PRMT7: variants seen among roughly 807,000 people sequenced by gnomAD.
The protein encoded by PRMT7 is protein arginine N-methyltransferase 7.
In PRMT7, 75 loss-of-function variants were observed where a neutral mutation model predicts 85.4. That is an observed-to-expected ratio of 0.88 (90% CI 0.73 to 1.06). PRMT7 has a LOEUF of 1.06. PRMT7 is among the 50% of genes least tolerant of loss of function. The pLI, the probability that PRMT7 is intolerant of heterozygous loss-of-function variation, is 0.00. For synonymous variants in PRMT7, 397 were observed against 359.5 expected (o/e 1.10, Z -1.18); for missense variants, 868 against 915.2 (o/e 0.95, Z 0.67).
intron 16 of PRMT7, 105 bp from the exon 17 acceptor site, chr16:68,355,618 G>C (rs1208725413): frequency 1.6e-6 from 2 of 1,213,812 alleles, no homozygotes; most frequent in Non-Finnish European, 2.2e-6. Flanking sequence ...ATGGGAGAAC[G>C]CACACCCCTT....
At chr16:68,321,381 G>A (rs2082472598) in intron 3 of PRMT7, 45 bp from the exon 4 acceptor site, 5 of 1,487,186 alleles carry the variant, frequency 3.4e-6, no homozygotes, top group South Asian at 2.3e-5. Context: ...ACTCTTGTGT[G>A]TTGATGTGTA....
intron 4 of PRMT7, 191 bp from the exon 5 acceptor site, chr16:68,324,492 C>A: frequency 1.6e-6 from 1 of 616,968 alleles, no homozygotes; most frequent in South Asian, 2.0e-5. Context: ...CAGGGACAGT[C>A]GCTTAATAAA....
At position 68,347,222 on chromosome 16, in the gene PRMT7, A is replaced by G. The variant is rs775619415; in HGVS notation, c.1203A>G (p.Pro401=). 1.3e-6 allele frequency: 2 copies of G among 1,552,882 alleles called. No individual in the cohort carries two copies. Among genetic ancestry groups the G allele is most frequent in the South Asian group, 1.2e-5 (1 of 83,998 alleles). The change falls in exon 12 of 19, where the codon CCA becomes CCG. Residue 401 remains proline, a synonymous_variant. Transcript: ENST00000441236. The stretch of plus-strand genomic sequence containing the variant: ...CCTGTTCCCCGCAGGTGCTGAAGCC[A>G]GACAGCGTGTGCCTGTGTGTCAGCG... ...YVQALRTVLK[P]DSVCLCVSDG...
intron 4 of PRMT7, chr16:68,324,250 G>A (rs905388627): frequency 3.9e-5 from 7 of 177,598 alleles, no homozygotes; most frequent in African/African-American, 1.7e-4. Flanking sequence ...GGGGCCCAAG[G>A]AGCTGGTTAT....
At position 68,314,316 on chromosome 16, in the gene PRMT7, C is replaced by T. The variant is rs149369056; in HGVS notation, c.-83-1581C>T. On this transcript the variant is annotated intron_variant, in intron 2 of 18. Coordinates refer to ENST00000441236, the MANE Select transcript of PRMT7 (RefSeq NM_019023.5). ...TGCGGTCTCAGCTCACTGCAACCTC[C>T]GCCTCCTGGATTCAAGTGATTCTCC... Among the ~76,000 whole-genome samples, 1,086 of 152,258 alleles carry T rather than the reference C, an allele frequency of 7.1e-3. 38 individuals are homozygous for T. The highest frequency in any genetic ancestry group is 0.056 in the Admixed American group (861 of 15,300).
chr16:68,344,966 A>AC (rs1319082059), intron 9 of PRMT7, among the ~76,000 whole-genome samples: 1 of 103,358 alleles, frequency 9.7e-6, no homozygotes, highest in East Asian at 4.0e-4. Flanking sequence ...ACGGGCATGC[A>AC]CATTTTTTTT....
At chr16:68,318,170 G>T (rs898462915) in intron 3 of PRMT7, among the ~76,000 whole-genome samples, 3 of 151,186 alleles carry the variant, frequency 2.0e-5, no homozygotes, top group African/African-American at 7.3e-5. Context: ...AGTATCTGGT[G>T]CAGAATTAGG....
downstream of PRMT7, chr16:68,358,684 C>T (rs540923794): frequency 6.5e-6 from 1 of 152,736 alleles, no homozygotes; most frequent in South Asian, 2.1e-4. Context: ...ATGAACATTT[C>T]CTTCCTCAGT....
At chr16:68,327,929 C>CAA (rs573968363) in intron 5 of PRMT7, among the ~76,000 whole-genome samples, 1 of 92,932 alleles carries the variant, frequency 1.1e-5, no homozygotes, top group Non-Finnish European at 2.3e-5. Context: ...AGACCCTTCT[C>CAA]AAAAAAAAAA....
downstream of PRMT7, chr16:68,358,763 C>T (rs955346980): frequency 2.0e-5 from 3 of 152,464 alleles, no homozygotes; most frequent in African/African-American, 2.4e-5. Flanking sequence ...GTATGGGCCT[C>T]GGGTGACCCG....
intron 6 of PRMT7, among the ~76,000 whole-genome samples, chr16:68,334,129 G>C (rs1289308287): frequency 1.3e-5 from 2 of 152,146 alleles, no homozygotes; most frequent in Admixed American, 1.3e-4. Flanking sequence ...TCATTATGTA[G>C]TTATGTATTT....
chr16:68,336,944 G>A (rs922893275), intron 6 of PRMT7, among the ~76,000 whole-genome samples: 1 of 152,156 alleles, frequency 6.6e-6, no homozygotes, highest in African/African-American at 2.4e-5. Flanking sequence ...GTAGAGATGG[G>A]GTTTCGCCAT....
intron 16 of PRMT7, chr16:68,354,553 G>A (rs546733346): frequency 1.3e-5 from 2 of 152,366 alleles, no homozygotes; most frequent in Admixed American, 1.3e-4. Context: ...ATTAAACCTT[G>A]TGGATATTTT....
Position 68,324,786 on chromosome 16 carries a change from CAAT to C in PRMT7, c.237_239del (p.Met81del), listed in dbSNP as rs1461756216. 1 of 1,614,072 alleles carries C rather than the reference CAAT, an allele frequency of 6.2e-7. No individual in the cohort carries two copies. Among genetic ancestry groups the C allele is most frequent in the Non-Finnish European group, 8.5e-7 (1 of 1,180,036 alleles). ...ATTGGCACTGGCACGGGACTCTTGT[CAAT>C]GATGGCGGTCACAGCAGGTGCCGAC... is the stretch of plus-strand genomic sequence containing the variant. On this transcript the variant is annotated inframe_deletion, in exon 5 of 19. Transcript: ENST00000441236.
intron 15 of PRMT7, chr16:68,352,621 G>A: frequency 2.1e-6 from 1 of 470,884 alleles, no homozygotes; most frequent in Non-Finnish European, 3.7e-6. Flanking sequence ...GGAAATGGCT[G>A]AGTGTTGTCA....
chr16:68,321,866 C>G (rs908245857), intron 4 of PRMT7, among the ~76,000 whole-genome samples: 1 of 152,128 alleles, frequency 6.6e-6, no homozygotes, highest in African/African-American at 2.4e-5. Flanking sequence ...TACAGCAGAT[C>G]TCCACAACTT....
At chr16:68,345,580 C>T in intron 9 of PRMT7, 95 bp from the exon 10 acceptor site, 7 of 1,553,234 alleles carry the variant, frequency 4.5e-6, no homozygotes, top group Non-Finnish European at 6.1e-6. Context: ...TTGTGGACGT[C>T]CTGAAAACTG....
chr16:68,327,204 G>C (rs1050814205), intron 5 of PRMT7, among the ~76,000 whole-genome samples: 1 of 152,056 alleles, frequency 6.6e-6, no homozygotes, highest in Non-Finnish European at 1.5e-5. Flanking sequence ...AGAAAATGTG[G>C]GAAATACAGA....
chr16:68,329,969 C>G (rs1180244186), intron 6 of PRMT7, among the ~76,000 whole-genome samples: 1 of 152,196 alleles, frequency 6.6e-6, no homozygotes, highest in East Asian at 1.9e-4. Flanking sequence ...TCTTGGCTCA[C>G]TGCATCCTCC....
Sources: allele counts gnomAD v4.1 joint callset (sites outside exome capture counted in the v4.1 genomes callset), GRCh38; gene constraint gnomAD v4.1.1; transcripts MANE v1.5; gene names NCBI Gene and HGNC (gene_info 2026-07-23, HGNC 2026-07-21).